The following ITPR1 variants were observed in gnomAD, a reference collection of about 807,000 sequenced individuals.
The protein encoded by ITPR1 is inositol 1,4,5-trisphosphate receptor type 1.
ITPR1 carries 96 observed loss-of-function variants against 318.4 expected under a neutral mutation model. The ratio of observed to expected loss-of-function variants is 0.30; its 90% CI spans 0.26 to 0.36. ITPR1 has a LOEUF of 0.36. Among genes scored for constraint, ITPR1 ranks in the 10% least tolerant of loss-of-function variants. The pLI, the probability that ITPR1 is intolerant of heterozygous loss-of-function variation, is 1.00. For synonymous variants in ITPR1, 1,312 were observed against 1,289.9 expected (o/e 1.02, Z -0.37); for missense variants, 2,440 against 3,460.2 (o/e 0.71, Z 7.40).
chr3:4,644,272 C>G, intron 8 of ITPR1, 38 bp downstream of exon 8: 1 of 1,435,318 alleles, frequency 7.0e-7, no homozygotes, highest in Non-Finnish European at 9.7e-7. Flanking sequence ...TGTGGTTATC[C>G]TGCAGGAGCG....
intron 37 of ITPR1, among the ~76,000 whole-genome samples, chr3:4,708,848 T>C (rs879416278): frequency 1.4e-4 from 21 of 152,240 alleles, no homozygotes; most frequent in Non-Finnish European, 2.8e-4. Flanking sequence ...AGACCACTTC[T>C]ATAATTAATC....
Position 4,782,780 on chromosome 3 carries a change from CT to C in ITPR1, c.6510+40del, listed in dbSNP as rs774418723. 5 of 1,418,566 alleles carry C rather than the reference CT, an allele frequency of 3.5e-6. No homozygotes were observed. In the African/African-American group the frequency reaches 5.8e-5, roughly 17 times the overall value. The allele number at this position is 1,418,566 out of a possible 1,614,324, so 87.9% of individuals were successfully genotyped here. On this transcript the variant is annotated intron_variant, in intron 50 of 61. Coordinates refer to ENST00000649015, the MANE Select transcript of ITPR1 (RefSeq NM_001378452.1). Reference sequence around the variant, plus strand: ...TGTGCCTCCTCTGGATGCTGCCTCCCTACAGGTCCAAAATTCCGAGCTGGAG... The same window carrying C: ...TGTGCCTCCTCTGGATGCTGCCTCCCACAGGTCCAAAATTCCGAGCTGGAG...
At chr3:4,626,835 T>C (rs749864070) in intron 4 of ITPR1, among the ~76,000 whole-genome samples, 1 of 152,188 alleles carries the variant, frequency 6.6e-6, no homozygotes, top group African/African-American at 2.4e-5. Context: ...GTATTTATTT[T>C]TGAGACAGAA....
At chr3:4,732,365 T>A (rs1224114187) in intron 42 of ITPR1, among the ~76,000 whole-genome samples, 2 of 152,234 alleles carry the variant, frequency 1.3e-5, no homozygotes, top group Non-Finnish European at 1.5e-5. Flanking sequence ...ATAACTCTGC[T>A]TCAACAGCAA....
At chr3:4,656,174 C>T (rs981641028) in intron 12 of ITPR1, among the ~76,000 whole-genome samples, 3 of 152,224 alleles carry the variant, frequency 2.0e-5, no homozygotes, top group East Asian at 1.9e-4. Context: ...AGGTGGCAAG[C>T]GCCGACTGCA....
At chr3:4,688,141 C>A (rs56092848) in intron 30 of ITPR1, among the ~76,000 whole-genome samples, 1 of 127,948 alleles carries the variant, frequency 7.8e-6, no homozygotes, top group Non-Finnish European at 1.8e-5. Flanking sequence ...AAGTGATCCA[C>A]CCAAAGGGGT....
intron 4 of ITPR1, among the ~76,000 whole-genome samples, chr3:4,557,383 T>TCC (rs2086233759): frequency 6.6e-6 from 1 of 152,098 alleles, no homozygotes; most frequent in Admixed American, 6.6e-5. Flanking sequence ...ATCAATTACC[T>TCC]CCCGCCAGGT....
At chr3:4,789,948 G>A (rs1012705429) in intron 52 of ITPR1, among the ~76,000 whole-genome samples, 21 of 152,168 alleles carry the variant, frequency 1.4e-4, no homozygotes, top group Non-Finnish European at 1.5e-4. Flanking sequence ...AAACCTCCAT[G>A]ATAGTTAATA....
intron 5 of ITPR1, among the ~76,000 whole-genome samples, chr3:4,630,168 C>T (rs1478761836): frequency 6.6e-6 from 1 of 152,088 alleles, no homozygotes; most frequent in Non-Finnish European, 1.5e-5. Context: ...GATGACTGCT[C>T]TGGAAGGCGT....
chr3:4,531,848 C>T (rs565637127), intron 4 of ITPR1, among the ~76,000 whole-genome samples: 1 of 152,310 alleles, frequency 6.6e-6, no homozygotes, highest in African/African-American at 2.4e-5. Context: ...CAAGCAGCTG[C>T]TCCTTTTGCA....
chr3:4,824,708 G>C (rs1471480159), intron 60 of ITPR1, among the ~76,000 whole-genome samples: 1 of 152,144 alleles, frequency 6.6e-6, no homozygotes, highest in Non-Finnish European at 1.5e-5. Flanking sequence ...ATCTCCCGGG[G>C]ATACTGACCG....
At chr3:4,793,627 G>A (rs184638636) in intron 52 of ITPR1, among the ~76,000 whole-genome samples, 6 of 152,336 alleles carry the variant, frequency 3.9e-5, no homozygotes, top group Admixed American at 2.6e-4. Context: ...ACATTGCTAC[G>A]TAGTGGTTGA....
intron 39 of ITPR1, among the ~76,000 whole-genome samples, chr3:4,715,162 C>T (rs936308164): frequency 6.6e-6 from 1 of 152,180 alleles, no homozygotes; most frequent in Admixed American, 6.5e-5. Flanking sequence ...GGCAACCTGG[C>T]TTTCAAACCC....
chr3:4,816,346 T>C (rs998879923), intron 59 of ITPR1: 7 of 152,226 alleles, frequency 4.6e-5, no homozygotes, highest in Non-Finnish European at 1.5e-5. Flanking sequence ...CATGGTAAGA[T>C]TGAGGGTATG....
Position 4,683,389 on chromosome 3 carries a change from G to A in ITPR1, c.3165G>A (p.Glu1055=). ...EQAEGIFGGS[E]ENTPLDLDDH... ...TCCCCACCTTGTGCTCCTTTAGTGA[G>A]GAGAACACCCCACTGGACTTGGATG... Residue 1055 remains glutamate (E), a synonymous_variant, in exon 27 of 62, where the codon GAG becomes GAA. Transcript: ENST00000649015. 3 of 1,614,002 alleles carry A rather than the reference G, an allele frequency of 1.9e-6. No individual in the cohort carries two copies. The highest frequency in any genetic ancestry group is 1.1e-5 in the South Asian group (1 of 91,086).
chr3:4,729,259 G>A (rs1195507708), intron 42 of ITPR1, among the ~76,000 whole-genome samples: 1 of 152,112 alleles, frequency 6.6e-6, no homozygotes, highest in Non-Finnish European at 1.5e-5. Flanking sequence ...TGTAAAATGG[G>A]GGTGACAATG....
chr3:4,590,233 G>C (rs186632721), intron 4 of ITPR1, among the ~76,000 whole-genome samples: 1 of 129,100 alleles, frequency 7.7e-6, no homozygotes, highest in African/African-American at 3.0e-5. Context: ...ACTGTATGTC[G>C]TGTTACTTCC....
chr3:4,740,849 C>T (rs147128049), intron 44 of ITPR1, among the ~76,000 whole-genome samples: 279 of 152,308 alleles, frequency 1.8e-3, no homozygotes, highest in African/African-American at 6.4e-3. Context: ...GATAGGATCA[C>T]GCTTGTCTTG....
chr3:4,548,696 T>G (rs892477761), intron 4 of ITPR1, among the ~76,000 whole-genome samples: 1 of 152,152 alleles, frequency 6.6e-6, no homozygotes, highest in Non-Finnish European at 1.5e-5. Context: ...GAGTTTCATT[T>G]GGGGGCTAAA....
Sources: gnomAD v4.1 joint callset for allele counts (sites outside exome capture counted in the v4.1 genomes callset) on GRCh38, gnomAD v4.1.1 for gene constraint, MANE v1.5 for transcripts, NCBI Gene and HGNC (gene_info 2026-07-23, HGNC 2026-07-21) for gene names.